Variants in ZNF75D observed in about 807,000 individuals in gnomAD.
The protein encoded by ZNF75D is zinc finger protein 75.
A neutral mutation model predicts 33.3 loss-of-function variants in ZNF75D; 33 were observed. The observed-to-expected ratio is 0.99, with a 90% CI of 0.75 to 1.32. The LOEUF (loss-of-function observed/expected upper bound fraction) is 1.32, where lower values mean the gene tolerates loss of function less well. ZNF75D is among the 40% of genes most tolerant of loss of function. The probability of loss-of-function intolerance (pLI) is 0.00; values close to 1 mark genes in which losing one functional copy is unlikely to be tolerated. For synonymous variants in ZNF75D, 113 were observed against 130.6 expected (o/e 0.87, Z 0.92); for missense variants, 338 against 367.5 (o/e 0.92, Z 0.66).
intron 1 of ZNF75D, among the ~76,000 whole-genome samples, chrX:135,264,943 G>A (rs782026727): frequency 3.5e-4 from 39 of 112,480 alleles, no homozygotes; most frequent in East Asian, 2.0e-3. Context: ...GCCTTAGGCC[G>A]GGAGCAGTGT....
At chrX:135,270,352 C>CATATATATATATATATATATAT (rs530211370) in intron 1 of ZNF75D, among the ~76,000 whole-genome samples, 2 of 63,506 alleles carry the variant, frequency 3.1e-5, no homozygotes, top group Non-Finnish European at 3.1e-5. Flanking sequence ...CAAAATATCT[C>CATATATATATATATATATATAT]ATATATATAT....
In ZNF75D at chrX:135,341,031, G is replaced by A. The variant is rs781893472; in HGVS notation, c.-391+737C>T. On this transcript the variant is annotated intron_variant, in intron 1 of 6. Transcript: ENST00000370766. ...AATAGTCTGACTCACAGGGACATAT[G>A]GCATTGATTAGTTGGTCATGGTGTC... is the stretch of plus-strand genomic sequence containing the variant. Among the ~76,000 whole-genome samples the A allele has an allele frequency of 9.8e-5, 11 of 111,840 alleles. 1 individual carries two copies. In the Admixed American group the frequency reaches 1.0e-3, roughly 11 times the overall value.
intron 6 of ZNF75D, among the ~76,000 whole-genome samples, chrX:135,289,766 T>C (rs1391196250): frequency 9.0e-6 from 1 of 111,657 alleles, no homozygotes; most frequent in East Asian, 2.8e-4. Flanking sequence ...AAGAGCTATG[T>C]TCTAGGAACC....
At chrX:135,297,881 G>A (rs1174368515) in intron 1 of ZNF75D, 5 of 112,137 alleles carry the variant, frequency 4.5e-5, no homozygotes, top group African/African-American at 1.6e-4. Context: ...ACATCAGGGT[G>A]CCAGCATTGT....
downstream of ZNF75D, among the ~76,000 whole-genome samples, chrX:135,284,865 T>C (rs782335814): frequency 1.8e-5 from 2 of 112,064 alleles, no homozygotes; most frequent in East Asian, 5.6e-4. Flanking sequence ...GCTGGGTCCA[T>C]TGACCTAGTA....
chrX:135,325,803 C>T (rs1408544938), intron 1 of ZNF75D, among the ~76,000 whole-genome samples: 1 of 112,684 alleles, frequency 8.9e-6, no homozygotes, highest in African/African-American at 3.2e-5. Context: ...TCCACGGCGC[C>T]CAGTCCCATC....
intron 1 of ZNF75D, among the ~76,000 whole-genome samples, chrX:135,269,449 T>C (rs1365975625): frequency 3.6e-5 from 4 of 112,143 alleles, no homozygotes; most frequent in Non-Finnish European, 7.5e-5. Flanking sequence ...AAGATCTGAA[T>C]AGACATTTCT....
At chrX:135,317,322 C>T (rs1556432244) in intron 1 of ZNF75D, among the ~76,000 whole-genome samples, 2 of 111,624 alleles carry the variant, frequency 1.8e-5, no homozygotes, top group Admixed American at 9.5e-5. Flanking sequence ...GGGACTGGTA[C>T]ACCAAGTATG....
In ZNF75D at chrX:135,287,403, A is replaced by G. The variant is rs781846273; in HGVS notation, c.1267T>C (p.Cys423Arg). 8.3e-7 allele frequency: 1 copy of G among 1,211,612 alleles called. No individual in the cohort carries two copies. Among genetic ancestry groups the G allele is most frequent in the Middle Eastern group, 2.3e-4 (1 of 4,307 alleles). Residue 423 changes from cysteine to arginine, a missense_variant, in exon 7 of 7, where the codon TGC becomes CGC. By Grantham distance (180) the Cys-to-Arg change is radical. Transcript: ENST00000370766. Reference protein sequence around the residue: ...MTHQGIKPYRCSWCGKSFSHN... With the variant: ...MTHQGIKPYRRSWCGKSFSHN... The stretch of plus-strand genomic sequence containing the variant: ...CTAAAGCTTTTCCCACACCATGAGC[A>G]TCTATATGGTTTTATTCCTTGATGG...
Position 135,325,881 on chromosome X carries a change from C to G in ZNF75D, c.-391+15887G>C, listed in dbSNP as rs1411812256. Among the ~76,000 whole-genome samples, 8 of 112,795 alleles carry G rather than the reference C, an allele frequency of 7.1e-5. No homozygotes were observed. The East Asian group carries it at 1.1e-3, about 16-fold the overall frequency. ...TGGCAGGCAGCTCCACCTGCAGCCC[C>G]GGTGCAGGATCCACTGGGTGAAACC... On this transcript the variant is annotated intron_variant, in intron 1 of 6. Coordinates refer to ENST00000370766, the MANE Select transcript of ZNF75D (RefSeq NM_007131.5).
At chrX:135,339,025 C>A (rs2084751496) in intron 1 of ZNF75D, among the ~76,000 whole-genome samples, 1 of 108,734 alleles carries the variant, frequency 9.2e-6, no homozygotes, top group Admixed American at 9.9e-5. Flanking sequence ...TCCTCACTTC[C>A]TTCTCCTTCA....
intron 1 of ZNF75D, among the ~76,000 whole-genome samples, chrX:135,308,307 C>T (rs2084314053): frequency 8.9e-6 from 1 of 112,221 alleles, no homozygotes. Flanking sequence ...CATGTTTCCT[C>T]TCACTGTTTA....
intron 1 of ZNF75D, among the ~76,000 whole-genome samples, chrX:135,305,455 G>A (rs782335373): frequency 8.9e-6 from 1 of 111,949 alleles, no homozygotes; most frequent in Non-Finnish European, 1.9e-5. Flanking sequence ...ACAGCCAAAA[G>A]ACGATTCTTT....
chrX:135,306,470 T>C (rs1556425804), intron 1 of ZNF75D, among the ~76,000 whole-genome samples: 3 of 112,373 alleles, frequency 2.7e-5, no homozygotes. Flanking sequence ...AATTCCTGTT[T>C]CATTTGCTAA....
chrX:135,296,594 A>G (rs2084133544), intron 1 of ZNF75D, among the ~76,000 whole-genome samples: 2 of 112,321 alleles, frequency 1.8e-5, no homozygotes. Flanking sequence ...GTAAAAGGCA[A>G]TTTGATCCTG....
intron 1 of ZNF75D, among the ~76,000 whole-genome samples, chrX:135,318,453 C>T (rs979335338): frequency 2.7e-5 from 3 of 111,225 alleles, no homozygotes; most frequent in Non-Finnish European, 5.7e-5. Context: ...TTCTGAGAAA[C>T]AGTAGGACAA....
Position 135,287,398 on chromosome X carries a change from T to C in ZNF75D, c.1272A>G (p.Ser424=). The change falls in exon 7 of 7, where the codon TCA becomes TCG. Residue 424 remains serine (S), a synonymous_variant. Transcript: ENST00000370766. ...THQGIKPYRC[S]WCGKSFSHNT... ...TATGACTAAAGCTTTTCCCACACCA[T>C]GAGCATCTATATGGTTTTATTCCTT... is the stretch of plus-strand genomic sequence containing the variant. 8.3e-7 allele frequency: 1 copy of C among 1,211,413 alleles called. No individual in the cohort carries two copies. Among genetic ancestry groups the C allele is most frequent in the Middle Eastern group, 2.3e-4 (1 of 4,314 alleles).
rs781928103 is a variant in ZNF75D, at chrX:135,343,065, G to GACAACAACA, written c.-1697_-1689dup. The GACAACAACA allele has an allele frequency of 2.0e-3, 220 of 111,434 alleles. 1 individual carries two copies. The highest frequency in any genetic ancestry group is 2.8e-3 in the Admixed American group (30 of 10,574). 9.2% of individuals were successfully genotyped at this position (111,434 alleles called of 1,213,427 possible). On this transcript the variant is annotated 5_prime_UTR_variant, in exon 1 of 7. Coordinates refer to ENST00000370766, the MANE Select transcript of ZNF75D (RefSeq NM_007131.5). ...TCTGGAGGATGAAGGTTCCAGAGAA[G>GACAACAACA]ACAACAACAACAACAACAACAAAAA...
At chrX:135,315,730 T>C (rs2084412091) in intron 1 of ZNF75D, among the ~76,000 whole-genome samples, 4 of 110,317 alleles carry the variant, frequency 3.6e-5, no homozygotes, top group Non-Finnish European at 5.7e-5. Flanking sequence ...ATCTTTCATC[T>C]GACATAAGCA....
Sources: allele counts gnomAD v4.1 joint callset (sites outside exome capture counted in the v4.1 genomes callset), GRCh38; gene constraint gnomAD v4.1.1; transcripts MANE v1.5; gene names NCBI Gene and HGNC (gene_info 2026-07-23, HGNC 2026-07-21).